Variants in SAMD13 observed in about 807,000 individuals in gnomAD.
SAMD13 encodes sterile alpha motif domain containing 13, also known as sterile alpha motif domain-containing protein 13.
SAMD13 carries 9 observed loss-of-function variants against 12.4 expected under a neutral mutation model. The observed-to-expected ratio is 0.72, with a 90% confidence interval of 0.44 to 1.26. SAMD13 has a LOEUF of 1.26. Among genes scored for constraint, SAMD13 ranks in the 50% most tolerant of loss-of-function variants. The probability of loss-of-function intolerance (pLI) is 0.00; values close to 1 mark genes in which losing one functional copy is unlikely to be tolerated. For synonymous variants in SAMD13, 46 were observed against 45.4 expected (o/e 1.01, Z -0.05); for missense variants, 84 against 119.6 (o/e 0.70, Z 1.39).
At chr1:84,306,215 A>G (rs1678569040) in intron 2 of SAMD13, among the ~76,000 whole-genome samples, 1 of 151,960 alleles carries the variant, frequency 6.6e-6, no homozygotes, top group African/African-American at 2.4e-5. Flanking sequence ...TGCATCCCTA[A>G]TATTTCATGT....
chr1:84,344,999 TA>T, intron 3 of SAMD13: 1 of 456,734 alleles, frequency 2.2e-6, no homozygotes, highest in Non-Finnish European at 4.4e-6. Context: ...GCCTTGTGGG[TA>T]AAGCCAGGAG....
upstream of SAMD13, among the ~76,000 whole-genome samples, chr1:84,299,326 G>A (rs1016175650): frequency 6.6e-6 from 1 of 152,140 alleles, no homozygotes; most frequent in Non-Finnish European, 1.5e-5. Flanking sequence ...CTATCTGAGC[G>A]CATTCCCAAG....
intron 2 of SAMD13, among the ~76,000 whole-genome samples, chr1:84,321,455 C>T (rs894356499): frequency 2.6e-5 from 4 of 151,980 alleles, no homozygotes; most frequent in Admixed American, 6.6e-5. Flanking sequence ...TTTGCTATGA[C>T]GTTAGTGAAT....
chr1:84,313,145 A>G (rs1678751530), intron 2 of SAMD13, among the ~76,000 whole-genome samples: 1 of 152,184 alleles, frequency 6.6e-6, no homozygotes, highest in African/African-American at 2.4e-5. Context: ...ATGTATCCAC[A>G]TGTATACATA....
intron 2 of SAMD13, among the ~76,000 whole-genome samples, chr1:84,318,237 G>A (rs1678874764): frequency 6.6e-6 from 1 of 151,256 alleles, no homozygotes; most frequent in South Asian, 2.1e-4. Context: ...TTTTAATGTA[G>A]GTATTTGTGA....
chr1:84,312,701 A>G (rs1678741518), intron 2 of SAMD13, among the ~76,000 whole-genome samples: 2 of 152,146 alleles, frequency 1.3e-5, no homozygotes, highest in African/African-American at 4.8e-5. Flanking sequence ...TTCAAGTAAA[A>G]TGTAGGCAAA....
chr1:84,324,331 G>A (rs1360944775), intron 2 of SAMD13, among the ~76,000 whole-genome samples: 1 of 152,110 alleles, frequency 6.6e-6, no homozygotes, highest in Admixed American at 6.5e-5. Context: ...GGCTCCCTTG[G>A]CTGTATGTGT....
chr1:84,310,691 G>A (rs1368538433), intron 2 of SAMD13, among the ~76,000 whole-genome samples: 1 of 152,148 alleles, frequency 6.6e-6, no homozygotes, highest in Non-Finnish European at 1.5e-5. Context: ...CAACTTGGAA[G>A]CAAAAGCATA....
chr1:84,343,384 A>G (rs75366582), intron 3 of SAMD13, among the ~76,000 whole-genome samples: 4,162 of 152,318 alleles, frequency 0.027, 202 homozygotes, highest in African/African-American at 0.095. Context: ...AAATCATTCT[A>G]TCATGAAGAT....
rs757357487 is a variant in SAMD13 at position 84,349,624 on chromosome 1, A to C, written c.166-7A>C. 3.7e-6 allele frequency: 6 copies of C among 1,611,894 alleles called. No individual in the cohort carries two copies. The African/African-American group carries it at 8.0e-5, about 22-fold the overall frequency. ...CATGTTGGCTTTACCTTCTGCTTCC[A>C]TTATAGGAAATTGATGGAAAATCCC... On this transcript the variant is annotated splice_polypyrimidine_tract_variant and splice_region_variant and intron_variant, in intron 3 of 3. Transcript: ENST00000394834.
intron 3 of SAMD13, among the ~76,000 whole-genome samples, chr1:84,337,355 C>T (rs1455763285): frequency 6.6e-6 from 1 of 152,224 alleles, no homozygotes; most frequent in Non-Finnish European, 1.5e-5. Flanking sequence ...CATTTCCATA[C>T]ATCTTCTGAA....
intron 3 of SAMD13, among the ~76,000 whole-genome samples, chr1:84,349,403 A>T (rs1402163165): frequency 6.6e-6 from 1 of 152,220 alleles, no homozygotes; most frequent in Non-Finnish European, 1.5e-5. Flanking sequence ...TTGTGATAGG[A>T]TCTTGAAAGC....
intron 3 of SAMD13, among the ~76,000 whole-genome samples, chr1:84,329,179 G>A (rs905691214): frequency 2.0e-5 from 3 of 152,056 alleles, no homozygotes; most frequent in Admixed American, 6.6e-5. Flanking sequence ...TTACTCTCAG[G>A]TGTAAGGATA....
intron 2 of SAMD13, chr1:84,303,633 G>T: frequency 5.9e-6 from 1 of 169,854 alleles, no homozygotes; most frequent in Non-Finnish European, 1.3e-5. Flanking sequence ...AGAAAATAGA[G>T]TTCAAATTTT....
chr1:84,349,241 A>G (rs907863205), intron 3 of SAMD13, among the ~76,000 whole-genome samples: 4 of 152,142 alleles, frequency 2.6e-5, no homozygotes, highest in Non-Finnish European at 5.9e-5. Context: ...TAATTTACAG[A>G]GTTGTTTTAG....
rs1678922187 is a variant in SAMD13, at chr1:84,320,588, A to G, written c.54-5049A>G. Reference sequence around the variant, plus strand: ...ATCCTCAGGTTTGTCATAGGCAAAGAGATCAATATTAATTTATTAGAATCA... The same window carrying G: ...ATCCTCAGGTTTGTCATAGGCAAAGGGATCAATATTAATTTATTAGAATCA... On this transcript the variant is annotated intron_variant, in intron 2 of 3. Coordinates refer to ENST00000394834, the MANE Select transcript of SAMD13 (RefSeq NM_001134663.2). Among the ~76,000 whole-genome samples the G allele has an allele frequency of 2.0e-5, 3 of 152,246 alleles. No homozygotes were observed. The South Asian group carries it at 6.2e-4, about 31-fold the overall frequency.
At chr1:84,312,129 A>G (rs915256020) in intron 2 of SAMD13, among the ~76,000 whole-genome samples, 8 of 103,360 alleles carry the variant, frequency 7.7e-5, no homozygotes, top group African/African-American at 2.7e-4. Context: ...TGAAACAACC[A>G]TATGTCCATT....
At chr1:84,299,153 GCTGCACC>G (rs1358180518), upstream of SAMD13, among the ~76,000 whole-genome samples, 12 of 152,262 alleles carry the variant, frequency 7.9e-5, no homozygotes, top group South Asian at 1.7e-3. Context: ...CTTCAGGCTG[GCTGCACC>G]GGGGGTCGGA....
chr1:84,316,131 A>C (rs1003359061), intron 2 of SAMD13, among the ~76,000 whole-genome samples: 1 of 152,094 alleles, frequency 6.6e-6, no homozygotes, highest in African/African-American at 2.4e-5. Flanking sequence ...CTCTTATCAG[A>C]TATATAGTTT....
Sources: allele counts gnomAD v4.1 joint callset (sites outside exome capture counted in the v4.1 genomes callset), GRCh38; gene constraint gnomAD v4.1.1; transcripts MANE v1.5; gene names NCBI Gene and HGNC (gene_info 2026-07-23, HGNC 2026-07-21).